The following CARF variants were observed in gnomAD, a reference collection of about 807,000 sequenced individuals.
The protein encoded by CARF is calcium-responsive transcription factor.
In CARF, 57 loss-of-function variants were observed where a neutral mutation model predicts 82.0. The observed-to-expected ratio is 0.70, with a 90% CI of 0.56 to 0.87. CARF has a LOEUF of 0.87. CARF is among the 40% of genes least tolerant of loss of function. The pLI is 0.00. For missense variants in CARF, 771 were observed against 855.8 expected, an observed-to-expected ratio of 0.90 and a Z score of 1.24; for synonymous variants, 268 against 290.1, an observed-to-expected ratio of 0.92 and a Z score of 0.77.
Position 202,913,120 on chromosome 2 carries a change from G to A in CARF, c.-330+18G>A, listed in dbSNP as rs1688944896. On this transcript the variant is annotated intron_variant, in intron 1 of 16. Coordinates refer to ENST00000438828, the MANE Select transcript of CARF (RefSeq NM_024744.17). Reference sequence around the variant, plus strand: ...GCAGACCGGTATGTGTGCAGGTGAAGACAAAGCTTTCCTTTTTTACGTTGT... The same window carrying A: ...GCAGACCGGTATGTGTGCAGGTGAAAACAAAGCTTTCCTTTTTTACGTTGT... 6.6e-6 allele frequency: 1 copy of A among 152,168 alleles called. No individual in the cohort carries two copies. The highest frequency in any genetic ancestry group is 2.4e-5 in the African/African-American group (1 of 41,440). The allele number at this position is 152,168 out of a possible 1,614,324, so 9.4% of individuals were successfully genotyped here.
At chr2:202,917,305 T>A (rs1199418208) in intron 1 of CARF, among the ~76,000 whole-genome samples, 3 of 151,820 alleles carry the variant, frequency 2.0e-5, no homozygotes, top group African/African-American at 7.2e-5. Flanking sequence ...ATCCACTTTT[T>A]AAATGTGATA....
chr2:202,948,897 G>A (rs2058626178), intron 5 of CARF, among the ~76,000 whole-genome samples: 1 of 152,116 alleles, frequency 6.6e-6, no homozygotes, highest in Non-Finnish European at 1.5e-5. Flanking sequence ...AATAGGAGTG[G>A]TGAGAGAGGG....
chr2:202,925,040 G>A (rs940797790), intron 3 of CARF: 64 of 409,366 alleles, frequency 1.6e-4, no homozygotes, highest in Non-Finnish European at 2.3e-4. Context: ...GTAGCTTGGA[G>A]CAACATGGAC....
At chr2:202,964,883 GTA>G (rs150006525) in intron 9 of CARF, among the ~76,000 whole-genome samples, 5,709 of 144,864 alleles carry the variant, frequency 0.039, 341 homozygotes, top group African/African-American at 0.13. Context: ...ACATATATGT[GTA>G]TATATATATA....
In CARF at chr2:202,964,883, G is replaced by GTATATATA. The variant is rs150006525; in HGVS notation, c.833-2084_833-2077dup. Among the ~76,000 whole-genome samples, 357 of 144,936 alleles carry GTATATATA rather than the reference G, an allele frequency of 2.5e-3. 1 individual carries two copies. Among genetic ancestry groups the GTATATATA allele is most frequent in the Non-Finnish European group, 3.7e-3 (248 of 66,466 alleles). On this transcript the variant is annotated intron_variant, in intron 9 of 16. Transcript: ENST00000438828. The stretch of plus-strand genomic sequence containing the variant: ...CTTATATATATATATACATATATGT[G>GTATATATA]TATATATATATATATATACACACAC...
chr2:202,946,067 T>C (rs1157978971), intron 5 of CARF, among the ~76,000 whole-genome samples: 1 of 152,228 alleles, frequency 6.6e-6, no homozygotes, highest in African/African-American at 2.4e-5. Flanking sequence ...TGATTAGTTA[T>C]ATTGAGCTTT....
Position 202,961,409 on chromosome 2 carries a change from T to C in CARF, c.815T>C (p.Ile272Thr). The change falls in exon 9 of 17, where the codon ATC becomes ACC. Residue 272 changes from isoleucine (I) to threonine (T), a missense_variant. Ile to Thr is a moderately conservative substitution (Grantham distance 89, BLOSUM62 -1). Coordinates refer to ENST00000438828, the MANE Select transcript of CARF (RefSeq NM_024744.17). Reference sequence around the variant, plus strand: ...TCCCAGTATGTTCCATATGATGGAATCCCATTTGTTAATGCAGGTACTTTT... The same window carrying C: ...TCCCAGTATGTTCCATATGATGGAACCCCATTTGTTAATGCAGGTACTTTT... ...WKSQYVPYDG[I>T]PFVNAGSRAV... The C allele has an allele frequency of 6.2e-7, 1 of 1,613,994 alleles. No individual in the cohort carries two copies. Among genetic ancestry groups the C allele is most frequent in the Non-Finnish European group, 8.5e-7 (1 of 1,179,846 alleles).
intron 9 of CARF, among the ~76,000 whole-genome samples, chr2:202,964,978 A>C (rs1227163446): frequency 6.6e-6 from 1 of 151,674 alleles, no homozygotes; most frequent in Admixed American, 6.6e-5. Context: ...GTAATGTTAT[A>C]AAATGTTCAG....
intron 8 of CARF, among the ~76,000 whole-genome samples, chr2:202,960,246 A>C (rs2059245198): frequency 6.6e-6 from 1 of 152,056 alleles, no homozygotes; most frequent in Non-Finnish European, 1.5e-5. Context: ...TTTCTCTCAG[A>C]GAAGGATCTT....
chr2:202,970,358 A>C (rs1468487684), intron 11 of CARF, among the ~76,000 whole-genome samples: 1 of 152,162 alleles, frequency 6.6e-6, no homozygotes, highest in Non-Finnish European at 1.5e-5. Flanking sequence ...AGACATACTT[A>C]ATACACTTTA....
Position 202,912,333 on chromosome 2 carries a change from G to T in CARF, c.-1099G>T, listed in dbSNP as rs1261275754. The T allele has an allele frequency of 1.3e-5, 2 of 152,152 alleles. No individual in the cohort carries two copies. Among genetic ancestry groups the T allele is most frequent in the African/African-American group, 2.4e-5 (1 of 41,446 alleles). The allele number at this position is 152,152 out of a possible 1,614,324, so 9.4% of individuals were successfully genotyped here. A position where few individuals can be genotyped will look rare whatever the true frequency, so the allele number is the denominator to read the frequency against. ...CTCGGAGCCAAGACGAGGTTGAGTA[G>T]ACTCGTTTTGAATTTTCTCCCCTCT... On this transcript the variant is annotated 5_prime_UTR_variant, in exon 1 of 17. The change abolishes the stop of an existing upstream ORF in the 5' untranslated region. Coordinates refer to ENST00000438828, the MANE Select transcript of CARF (RefSeq NM_024744.17).
rs772755538 is a variant in CARF at position 202,982,147 on chromosome 2, T to C, written c.1765T>C (p.Ser589Pro). The C allele has an allele frequency of 1.9e-6, 3 of 1,614,038 alleles. No individual in the cohort carries two copies. The African/African-American group carries it at 4.0e-5, about 22-fold the overall frequency. Residue 589 changes from serine to proline, a missense_variant, in exon 16 of 17, where the codon TCT (serine) becomes CCT (proline). By Grantham distance (74) the Ser-to-Pro change is moderately conservative. Coordinates refer to ENST00000438828, the MANE Select transcript of CARF (RefSeq NM_024744.17). The part of the protein sequence containing the change: ...AVVSVNNQPS[S>P]SPSGLLDTIG... ...GGTATCAGTAAATAACCAGCCGTCCTCTAGTCCTTCAGGACTTCTGGATAC... is the reference window on the plus strand; with the variant it reads ...GGTATCAGTAAATAACCAGCCGTCCCCTAGTCCTTCAGGACTTCTGGATAC...
At chr2:202,944,158 T>C (rs1422817198) in intron 5 of CARF, among the ~76,000 whole-genome samples, 2 of 152,232 alleles carry the variant, frequency 1.3e-5, no homozygotes, top group Non-Finnish European at 2.9e-5. Context: ...GGCTAAATAC[T>C]TTTCAAACTG....
At position 202,914,879 on chromosome 2, in the gene CARF, A is replaced by AT. The variant is rs1689319504; in HGVS notation, c.-330+1778dup. Among the ~76,000 whole-genome samples the AT allele has an allele frequency of 2.0e-5, 3 of 152,146 alleles. No individual in the cohort carries two copies. The South Asian group carries it at 6.2e-4, about 31-fold the overall frequency. On this transcript the variant is annotated intron_variant, in intron 1 of 16. Coordinates refer to ENST00000438828, the MANE Select transcript of CARF (RefSeq NM_024744.17). ...GATTGCAGGGAAGCTTATAGTGAGA[A>AT]TAAACCATAAATAAAATTGACATTG...
chr2:202,975,643 C>T (rs2059994547), intron 13 of CARF, among the ~76,000 whole-genome samples: 1 of 152,056 alleles, frequency 6.6e-6, no homozygotes, highest in African/African-American at 2.4e-5. Flanking sequence ...ATTTTTAAAT[C>T]AACATGTATT....
chr2:202,926,954 C>G (rs552851432), intron 3 of CARF, among the ~76,000 whole-genome samples: 12 of 152,286 alleles, frequency 7.9e-5, no homozygotes, highest in Admixed American at 4.6e-4. Flanking sequence ...GCTGGGACTA[C>G]AGGCATGCAC....
At chr2:202,930,111 G>A (rs752546180) in intron 3 of CARF, among the ~76,000 whole-genome samples, 31 of 151,682 alleles carry the variant, frequency 2.0e-4, no homozygotes, top group African/African-American at 7.0e-4. Context: ...GCAGTGGCTC[G>A]ATCTCGGCTC....
chr2:202,918,264 T>A (rs1472822862), intron 2 of CARF, among the ~76,000 whole-genome samples: 1 of 152,160 alleles, frequency 6.6e-6, no homozygotes, highest in African/African-American at 2.4e-5. Flanking sequence ...CTCATGCCTG[T>A]AATCCCAGCA....
At position 202,965,761 on chromosome 2, in the gene CARF, T is replaced by C. The variant is rs76003544; in HGVS notation, c.833-1217T>C. On this transcript the variant is annotated intron_variant, in intron 9 of 16. Transcript: ENST00000438828. Reference sequence around the variant, plus strand: ...TTTATTTTATATTTTAAAAGTTTGTTGTATCCTACAGTAGTGTAAGATATT... The same window carrying C: ...TTTATTTTATATTTTAAAAGTTTGTCGTATCCTACAGTAGTGTAAGATATT... Among the ~76,000 whole-genome samples, 1,092 of 152,336 alleles carry C rather than the reference T, an allele frequency of 7.2e-3. 5 individuals are homozygous for C. Among genetic ancestry groups the C allele is most frequent in the Middle Eastern group, 0.051 (15 of 294 alleles).
Sources: gnomAD v4.1 joint callset for allele counts (sites outside exome capture counted in the v4.1 genomes callset) on GRCh38, gnomAD v4.1.1 for gene constraint, MANE v1.5 for transcripts, NCBI Gene and HGNC (gene_info 2026-07-23, HGNC 2026-07-21) for gene names.